BNC2: variants seen among roughly 807,000 people sequenced by gnomAD.
BNC2 encodes zinc finger protein basonuclin-2.
A neutral mutation model predicts 76.3 loss-of-function variants in BNC2; 20 were observed. That is an observed-to-expected ratio of 0.26 (90% CI 0.18 to 0.38). BNC2 has a LOEUF of 0.38. BNC2 is among the 10% of genes least tolerant of loss of function. The pLI is 1.00. For synonymous variants in BNC2, 582 were observed against 514.8 expected, an observed-to-expected ratio of 1.13 and a Z score of -1.77; for missense variants, 1,382 against 1,399.8, an observed-to-expected ratio of 0.99 and a Z score of 0.20.
intron 1 of BNC2, among the ~76,000 whole-genome samples, chr9:16,755,905 T>G (rs983767770): frequency 7.2e-5 from 11 of 152,218 alleles, no homozygotes; most frequent in African/African-American, 2.7e-4. Flanking sequence ...TCTGAGTCCT[T>G]ACTCTAACCT....
chr9:16,804,453 A>G (rs1817856110), intron 1 of BNC2, among the ~76,000 whole-genome samples: 1 of 152,242 alleles, frequency 6.6e-6, no homozygotes. Context: ...GCTATACTCT[A>G]TGCATGCATA....
At chr9:16,839,031 C>A (rs1479935597) in intron 1 of BNC2, among the ~76,000 whole-genome samples, 2 of 152,196 alleles carry the variant, frequency 1.3e-5, no homozygotes, top group African/African-American at 2.4e-5. Context: ...GGTGAGCTAA[C>A]AGAAGTTAGC....
chr9:16,583,535 G>C (rs575354892), intron 3 of BNC2, among the ~76,000 whole-genome samples: 2 of 151,990 alleles, frequency 1.3e-5, no homozygotes, highest in Non-Finnish European at 2.9e-5. Context: ...ATTATTATTA[G>C]AATATTACTT....
intron 5 of BNC2, among the ~76,000 whole-genome samples, chr9:16,447,442 A>T (rs118119691): frequency 0.019 from 2,960 of 152,258 alleles, 34 homozygotes; most frequent in Non-Finnish European, 0.033. Flanking sequence ...AATCACTTTA[A>T]TTAAAATGTT....
At chr9:16,546,117 T>C (rs1219447080) in intron 5 of BNC2, among the ~76,000 whole-genome samples, 1 of 152,260 alleles carries the variant, frequency 6.6e-6, no homozygotes, top group Non-Finnish European at 1.5e-5. Flanking sequence ...TTCTCTGTTA[T>C]AATTACTCAG....
chr9:16,652,777 A>G (rs1370931567), intron 3 of BNC2, among the ~76,000 whole-genome samples: 1 of 152,174 alleles, frequency 6.6e-6, no homozygotes, highest in Non-Finnish European at 1.5e-5. Context: ...AACATTCCTA[A>G]AAGTGAAAGG....
chr9:16,431,001 T>C (rs937624652), intron 6 of BNC2, among the ~76,000 whole-genome samples: 2 of 152,228 alleles, frequency 1.3e-5, no homozygotes, highest in African/African-American at 4.8e-5. Context: ...CATATATGCT[T>C]ACCTTTCAGA....
intron 6 of BNC2, among the ~76,000 whole-genome samples, chr9:16,425,406 C>G (rs1338517050): frequency 6.6e-6 from 1 of 152,176 alleles, no homozygotes; most frequent in Admixed American, 6.5e-5. Flanking sequence ...CTCTCAGAGC[C>G]TGCCATCCCC....
intron 5 of BNC2, among the ~76,000 whole-genome samples, chr9:16,526,035 A>G (rs190026098): frequency 4.4e-4 from 67 of 152,260 alleles, no homozygotes; most frequent in Non-Finnish European, 6.2e-4. Flanking sequence ...GATACTGTAT[A>G]TAAGTTCCTA....
chr9:16,712,926 G>C lies in BNC2; in HGVS notation c.330+14871C>G, dbSNP rs575940744. ...TCTCTGAGATGCAAGGCATAGACAG[G>C]GATGGTTTATTAACTGAGGTAGGAA... On this transcript the variant is annotated intron_variant, in intron 3 of 6. Coordinates refer to ENST00000380672, the MANE Select transcript of BNC2 (RefSeq NM_017637.6). Among the ~76,000 whole-genome samples, 20 of 152,236 alleles carry C rather than the reference G, an allele frequency of 1.3e-4. No individual in the cohort carries two copies. In the East Asian group the frequency reaches 3.3e-3, roughly 25 times the overall value.
Position 16,413,618 on chromosome 9 carries a change from C to A in BNC2, c.*5371G>T, listed in dbSNP as rs2118934316. On this transcript the variant is annotated 3_prime_UTR_variant, in exon 7 of 7. Coordinates refer to ENST00000380672, the MANE Select transcript of BNC2 (RefSeq NM_017637.6). ...CAGTGATGACAGATAACTCACTGGT[C>A]AGTTGTACAGCTGGAATTACACAAT... The A allele has an allele frequency of 6.6e-6, 1 of 152,258 alleles. No individual in the cohort carries two copies. The highest frequency in any genetic ancestry group is 1.5e-5 in the Non-Finnish European group (1 of 68,030). 9.4% of individuals were successfully genotyped at this position (152,258 alleles called of 1,614,324 possible). A position where few individuals can be genotyped will look rare whatever the true frequency, so the allele number is the denominator to read the frequency against.
chr9:16,784,445 C>A (rs1164395284), intron 1 of BNC2, among the ~76,000 whole-genome samples: 1 of 151,968 alleles, frequency 6.6e-6, no homozygotes, highest in Non-Finnish European at 1.5e-5. Context: ...GTAATAAGTG[C>A]CTTAAGAAAA....
At chr9:16,725,223 A>ACACC (rs1824276748) in intron 3 of BNC2, among the ~76,000 whole-genome samples, 1 of 149,974 alleles carries the variant, frequency 6.7e-6, no homozygotes, top group African/African-American at 2.4e-5. Flanking sequence ...TCTCTCACAC[A>ACACC]CACACACACA....
intron 5 of BNC2, among the ~76,000 whole-genome samples, chr9:16,512,616 T>G (rs909016267): frequency 2.6e-5 from 4 of 152,030 alleles, no homozygotes; most frequent in African/African-American, 7.3e-5. Flanking sequence ...CTTTATACAT[T>G]TATTTGCGAG....
At chr9:16,667,101 A>ACACACACACG (rs1554703003) in intron 3 of BNC2, among the ~76,000 whole-genome samples, 19 of 148,882 alleles carry the variant, frequency 1.3e-4, no homozygotes, top group African/African-American at 4.6e-4. Context: ...ACACACACAC[A>ACACACACACG]CACACACGCA....
intron 5 of BNC2, among the ~76,000 whole-genome samples, chr9:16,516,033 T>C (rs1013820967): frequency 1.3e-5 from 2 of 151,942 alleles, no homozygotes; most frequent in Non-Finnish European, 2.9e-5. Context: ...AGTAAGAGAC[T>C]GTAGCTGATT....
At chr9:16,509,474 C>T (rs1822704674) in intron 5 of BNC2, among the ~76,000 whole-genome samples, 1 of 152,168 alleles carries the variant, frequency 6.6e-6, no homozygotes, top group African/African-American at 2.4e-5. Flanking sequence ...TGGTATCAGA[C>T]ATACTGGGAA....
At chr9:16,516,295 C>A (rs760810750) in intron 5 of BNC2, among the ~76,000 whole-genome samples, 1 of 150,682 alleles carries the variant, frequency 6.6e-6, no homozygotes, top group South Asian at 2.1e-4. Flanking sequence ...TCTTGTGATG[C>A]CGCCTCAGGT....
At chr9:16,603,821 A>AT (rs965041826) in intron 3 of BNC2, among the ~76,000 whole-genome samples, 5 of 151,784 alleles carry the variant, frequency 3.3e-5, no homozygotes, top group Admixed American at 2.6e-4. Flanking sequence ...CTTTTCTTTA[A>AT]TTTTTTTTCT....
Sources: gnomAD v4.1 joint callset for allele counts (sites outside exome capture counted in the v4.1 genomes callset) on GRCh38, gnomAD v4.1.1 for gene constraint, MANE v1.5 for transcripts, NCBI Gene and HGNC (gene_info 2026-07-23, HGNC 2026-07-21) for gene names.